Variants in IKZF1 observed in about 807,000 individuals in gnomAD.
IKZF1 encodes IKAROS family zinc finger 1.
A neutral mutation model predicts 51.7 loss-of-function variants in IKZF1; 10 were observed. The observed-to-expected ratio is 0.19, with a 90% CI of 0.12 to 0.33. The LOEUF is 0.33. Ranked by LOEUF, IKZF1 falls within the 10% of genes least tolerant of loss-of-function variation. The pLI is 1.00. For missense variants in IKZF1, 484 were observed against 707.5 expected (o/e 0.68, Z 3.58); for synonymous variants, 280 against 282.3 (o/e 0.99, Z 0.08).
intron 7 of IKZF1, among the ~76,000 whole-genome samples, chr7:50,397,384 T>C (rs1455711175): frequency 6.6e-6 from 1 of 152,250 alleles, no homozygotes; most frequent in African/African-American, 2.4e-5. Flanking sequence ...GTAATTTTCA[T>C]GTGGCACAGT....
intron 3 of IKZF1, 134 bp downstream of exon 3, chr7:50,327,891 C>A: frequency 9.7e-7 from 1 of 1,033,692 alleles, no homozygotes; most frequent in Non-Finnish European, 1.4e-6. Flanking sequence ...AAATATGGCA[C>A]AAAGATCAGC....
intron 3 of IKZF1, among the ~76,000 whole-genome samples, chr7:50,335,516 G>A: frequency 7.0e-6 from 1 of 142,952 alleles, no homozygotes; most frequent in South Asian, 2.3e-4. Flanking sequence ...TATGGGATGT[G>A]TGGTGTGTGG....
intron 2 of IKZF1, among the ~76,000 whole-genome samples, chr7:50,322,034 C>T (rs547826340): frequency 3.9e-5 from 6 of 152,268 alleles, no homozygotes; most frequent in African/African-American, 9.6e-5. Flanking sequence ...GAGCACTCTA[C>T]GTAATGATGA....
Position 50,385,265 on chromosome 7 carries a change from AGTG to A in IKZF1, c.590-2079_590-2077del, listed in dbSNP as rs529046006. Among the ~76,000 whole-genome samples the A allele has an allele frequency of 3.9e-4, 60 of 152,334 alleles. No individual in the cohort carries two copies. In the East Asian group the frequency reaches 9.4e-3, roughly 24 times the overall value. ...GATTTCTTCAAAATGATTTCACTGA[AGTG>A]AAATAAGGACTTTGGCCTTGCTCTG... On this transcript the variant is annotated intron_variant, in intron 5 of 7. Coordinates refer to ENST00000331340, the MANE Select transcript of IKZF1 (RefSeq NM_006060.6).
chr7:50,400,366 C>G lies in IKZF1; in HGVS notation c.1299C>G (p.Arg433=). The change falls in exon 8 of 8, where the codon CGC becomes CGG. Residue 433 remains arginine (R), a synonymous_variant. Transcript: ENST00000331340. This position sits in a 1 kb window ranked among gnomAD's most constrained non-coding sequence, Gnocchi z 5.4. ...RNGLSLKEEH[R]AYDLLRAASE... is the part of the protein sequence containing the mutation. ...GGCTGTCGCTCAAGGAGGAGCACCGCGCCTACGACCTGCTGCGCGCCGCCT... is the reference window on the plus strand; with the variant it reads ...GGCTGTCGCTCAAGGAGGAGCACCGGGCCTACGACCTGCTGCGCGCCGCCT... 6.2e-7 allele frequency: 1 copy of G among 1,613,076 alleles called. No individual in the cohort carries two copies. The highest frequency in any genetic ancestry group is 8.5e-7 in the Non-Finnish European group (1 of 1,179,758).
At chr7:50,325,146 G>A (rs1794550309) in intron 2 of IKZF1, among the ~76,000 whole-genome samples, 1 of 152,096 alleles carries the variant, frequency 6.6e-6, no homozygotes, top group Non-Finnish European at 1.5e-5. Flanking sequence ...AAGGCAAGTG[G>A]CCTGGGTCCC....
intron 2 of IKZF1, among the ~76,000 whole-genome samples, chr7:50,322,444 A>C (rs190850541): frequency 2.6e-5 from 4 of 152,146 alleles, no homozygotes; most frequent in African/African-American, 9.7e-5. Flanking sequence ...GATTTATCCT[A>C]AATGTGGGCT....
intron 3 of IKZF1, among the ~76,000 whole-genome samples, chr7:50,375,278 G>T (rs551410806): frequency 6.6e-6 from 1 of 152,128 alleles, no homozygotes; most frequent in Non-Finnish European, 1.5e-5. Flanking sequence ...AAAAAAAATG[G>T]CTGGATGTGG....
intron 3 of IKZF1, among the ~76,000 whole-genome samples, chr7:50,338,521 G>C (rs1307733789): frequency 6.6e-6 from 1 of 152,192 alleles, no homozygotes; most frequent in Non-Finnish European, 1.5e-5. Flanking sequence ...AAAAAAGGCT[G>C]GGGGGTTGAG....
At position 50,402,351 on chromosome 7, in the gene IKZF1, T is replaced by C. The variant is rs774627576; in HGVS notation, c.*1724T>C. ...TATGACATTTTGGGCTGACTACTTATTTGTTAGGCGGGAGCTCTCCTGTGC... is the reference window on the plus strand; with the variant it reads ...TATGACATTTTGGGCTGACTACTTACTTGTTAGGCGGGAGCTCTCCTGTGC... On this transcript the variant is annotated 3_prime_UTR_variant, in exon 8 of 8. Transcript: ENST00000331340. 1 of 230,524 alleles carries C rather than the reference T, an allele frequency of 4.3e-6. No homozygotes were observed. Among genetic ancestry groups the C allele is most frequent in the Non-Finnish European group, 8.6e-6 (1 of 116,238 alleles). The allele number at this position is 230,524 out of a possible 1,614,324, so 14.3% of individuals were successfully genotyped here.
chr7:50,325,489 T>C (rs1414018806), intron 2 of IKZF1, among the ~76,000 whole-genome samples: 1 of 152,138 alleles, frequency 6.6e-6, no homozygotes, highest in African/African-American at 2.4e-5. Flanking sequence ...ATTTTCTATT[T>C]ATAGGCCGGG....
chr7:50,306,690 T>A (rs1283459111), intron 1 of IKZF1, among the ~76,000 whole-genome samples: 1 of 152,226 alleles, frequency 6.6e-6, no homozygotes, highest in Non-Finnish European at 1.5e-5. Flanking sequence ...AAGATCGCAG[T>A]GAATGTATTA....
intron 1 of IKZF1, among the ~76,000 whole-genome samples, chr7:50,310,528 A>C (rs1367522060): frequency 6.6e-6 from 1 of 152,138 alleles, no homozygotes. Flanking sequence ...CTGGGTTTGC[A>C]TGAAGAGATC....
At chr7:50,398,383 C>T in intron 7 of IKZF1, among the ~76,000 whole-genome samples, 1 of 152,218 alleles carries the variant, frequency 6.6e-6, no homozygotes. Flanking sequence ...ACCTAGGGCT[C>T]TGGTTCCCCA....
At chr7:50,356,685 G>A (rs1041512442) in intron 3 of IKZF1, among the ~76,000 whole-genome samples, 6 of 152,150 alleles carry the variant, frequency 3.9e-5, no homozygotes, top group Non-Finnish European at 7.4e-5. Context: ...TATTTCGGTT[G>A]GGCTGGTATC....
At chr7:50,396,121 G>A (rs1816642817) in intron 7 of IKZF1, among the ~76,000 whole-genome samples, 1 of 151,762 alleles carries the variant, frequency 6.6e-6, no homozygotes, top group Non-Finnish European at 1.5e-5. Flanking sequence ...TTTATTTCTG[G>A]GAAATTCTCT....
At chr7:50,336,768 C>T (rs977823409) in intron 3 of IKZF1, among the ~76,000 whole-genome samples, 71 of 152,124 alleles carry the variant, frequency 4.7e-4, no homozygotes, top group Middle Eastern at 6.3e-3. Context: ...AGTAGGGGTT[C>T]GCATGAGACC....
chr7:50,356,681 G>C (rs1486592438), intron 3 of IKZF1, among the ~76,000 whole-genome samples: 1 of 152,106 alleles, frequency 6.6e-6, no homozygotes, highest in South Asian at 2.1e-4. Context: ...TTTGTATTTC[G>C]GTTGGGCTGG....
intron 1 of IKZF1, among the ~76,000 whole-genome samples, chr7:50,315,809 T>G (rs905165463): frequency 2.0e-5 from 3 of 152,208 alleles, no homozygotes; most frequent in African/African-American, 7.2e-5. Context: ...CCTTTTAAAT[T>G]GAGGCCATAT....
Sources: gnomAD v4.1 joint callset for allele counts (sites outside exome capture counted in the v4.1 genomes callset) on GRCh38, gnomAD v4.1.1 for gene constraint, Gnocchi (gnomAD v3.1) non-coding constraint, MANE v1.5 for transcripts, NCBI Gene and HGNC (gene_info 2026-07-23, HGNC 2026-07-21) for gene names.